The following TGS1 variants were observed in gnomAD, a reference collection of about 807,000 sequenced individuals.
TGS1 encodes the protein trimethylguanosine synthase.
A neutral mutation model predicts 92.2 loss-of-function variants in TGS1; 69 were observed. The observed-to-expected ratio is 0.75, with a 90% CI of 0.62 to 0.91. The LOEUF is 0.91. TGS1 is among the 40% of genes least tolerant of loss of function. TGS1 has a pLI of 0.00. For synonymous variants in TGS1, 345 were observed against 338.1 expected, an observed-to-expected ratio of 1.02 and a Z score of -0.22; for missense variants, 1,062 against 1,001.2, an observed-to-expected ratio of 1.06 and a Z score of -0.82.
At chr8:55,791,139 G>A (rs111336339) in intron 5 of TGS1, among the ~76,000 whole-genome samples, 192 of 152,278 alleles carry the variant, frequency 1.3e-3, no homozygotes, top group African/African-American at 4.5e-3. Context: ...CACAGCAATG[G>A]CAGCTCTAAA....
intron 10 of TGS1, among the ~76,000 whole-genome samples, chr8:55,807,246 G>A (rs1803195495): frequency 6.6e-6 from 1 of 151,862 alleles, no homozygotes; most frequent in South Asian, 2.1e-4. Flanking sequence ...TTAATTTAAA[G>A]GAGACCTTGA....
At position 55,804,882 on chromosome 8, in the gene TGS1, T is replaced by C; in HGVS notation, c.2000-11T>C. On this transcript the variant is annotated splice_polypyrimidine_tract_variant and intron_variant, in intron 9 of 12. Transcript: ENST00000260129. The stretch of plus-strand genomic sequence containing the variant: ...ATTGAACATGCTAACACAAATACTC[T>C]TCCTTTGCAGAGGGCTGGTTTTCAG... 6.2e-7 allele frequency: 1 copy of C among 1,612,788 alleles called. No individual in the cohort carries two copies. The highest frequency in any genetic ancestry group is 1.1e-5 in the South Asian group (1 of 90,940).
At chr8:55,823,277 G>A (rs1803700397) in intron 12 of TGS1, among the ~76,000 whole-genome samples, 1 of 152,196 alleles carries the variant, frequency 6.6e-6, no homozygotes, top group African/African-American at 2.4e-5. Context: ...AGTTTACAAT[G>A]TACCAAGGTG....
intron 7 of TGS1, among the ~76,000 whole-genome samples, chr8:55,796,704 A>G (rs1332609305): frequency 6.9e-6 from 1 of 144,266 alleles, no homozygotes; most frequent in Non-Finnish European, 1.5e-5. Context: ...AAAACACGCA[A>G]CCTTGGCCGG....
chr8:55,776,491 AG>A (rs1811403624), intron 1 of TGS1, among the ~76,000 whole-genome samples: 1 of 152,126 alleles, frequency 6.6e-6, no homozygotes, highest in Non-Finnish European at 1.5e-5. Context: ...TGTGTTAGCC[AG>A]GATGGTCTCT....
chr8:55,778,939 G>T (rs1563448799), intron 1 of TGS1, among the ~76,000 whole-genome samples: 1 of 152,220 alleles, frequency 6.6e-6, no homozygotes, highest in Non-Finnish European at 1.5e-5. Context: ...GAGGTATGAG[G>T]ATAAGAATTC....
intron 5 of TGS1, among the ~76,000 whole-genome samples, chr8:55,791,862 T>C (rs1563456378): frequency 6.6e-6 from 1 of 152,224 alleles, no homozygotes; most frequent in Non-Finnish European, 1.5e-5. Flanking sequence ...AGGTGGGATG[T>C]AGTCAGATGC....
At chr8:55,820,314 A>G (rs1012272856) in intron 12 of TGS1, among the ~76,000 whole-genome samples, 3 of 152,260 alleles carry the variant, frequency 2.0e-5, no homozygotes. Context: ...TGAGAGGCCG[A>G]GGCGGGCGGA....
At chr8:55,773,842 GAT>G in intron 1 of TGS1, 123 bp downstream of exon 1, 2 of 747,116 alleles carry the variant, frequency 2.7e-6, no homozygotes, top group Non-Finnish European at 2.1e-6. Context: ...TGGGCACGGT[GAT>G]GTTTAAGAAA....
chr8:55,817,504 T>C (rs1234636450), intron 12 of TGS1, among the ~76,000 whole-genome samples: 3 of 152,216 alleles, frequency 2.0e-5, no homozygotes, highest in African/African-American at 4.8e-5. Flanking sequence ...TGGTTTTGGC[T>C]AAATACAATA....
chr8:55,787,790 G>A (rs775177026), intron 4 of TGS1, among the ~76,000 whole-genome samples: 8 of 152,218 alleles, frequency 5.3e-5, no homozygotes, highest in Non-Finnish European at 1.0e-4. Context: ...AGGCTGTACA[G>A]GAAGCATAGT....
chr8:55,773,595 C>A lies in TGS1; in HGVS notation c.-24C>A. The A allele has an allele frequency of 6.3e-7, 1 of 1,596,776 alleles. No homozygotes were observed. Among genetic ancestry groups the A allele is most frequent in the Non-Finnish European group, 8.5e-7 (1 of 1,170,752 alleles). On this transcript the variant is annotated 5_prime_UTR_variant, in exon 1 of 13. Coordinates refer to ENST00000260129, the MANE Select transcript of TGS1 (RefSeq NM_024831.8). ...CAGGCGCGACCCGGGCTGCGTACGT[C>A]AGAGCTGCCTCCGAAGTGGTAAAAT...
At chr8:55,820,443 C>T (rs985094597) in intron 12 of TGS1, among the ~76,000 whole-genome samples, 1 of 152,084 alleles carries the variant, frequency 6.6e-6, no homozygotes, top group African/African-American at 2.4e-5. Flanking sequence ...CAGGCTGAGG[C>T]AGGAGAATCG....
chr8:55,802,741 A>G (rs1812254011), intron 9 of TGS1, 135 bp downstream of exon 9: 1 of 795,606 alleles, frequency 1.3e-6, no homozygotes, highest in Non-Finnish European at 1.9e-6. Context: ...TGCCCCGTTT[A>G]CGTTCTCATT....
intron 6 of TGS1, among the ~76,000 whole-genome samples, chr8:55,793,375 C>G (rs1440600490): frequency 6.6e-6 from 1 of 152,094 alleles, no homozygotes; most frequent in Non-Finnish European, 1.5e-5. Context: ...GCTTGTGTTT[C>G]CAGCTCCTCA....
In TGS1 at chr8:55,823,292, C is replaced by T. The variant is rs142047749; in HGVS notation, c.2440-1289C>T. Among the ~76,000 whole-genome samples the T allele has an allele frequency of 3.1e-3, 474 of 152,286 alleles. 4 individuals are homozygous for T. The highest frequency in any genetic ancestry group is 4.8e-3 in the Non-Finnish European group (327 of 68,034). On this transcript the variant is annotated intron_variant, in intron 12 of 12. Coordinates refer to ENST00000260129, the MANE Select transcript of TGS1 (RefSeq NM_024831.8). ...AGTTTACAATGTACCAAGGTGAGTGCAAGCATTACTGTCTTGGAACAAAAG... is the reference window on the plus strand; with the variant it reads ...AGTTTACAATGTACCAAGGTGAGTGTAAGCATTACTGTCTTGGAACAAAAG...
chr8:55,789,477 G>A (rs1184087874), intron 4 of TGS1, among the ~76,000 whole-genome samples: 1 of 152,066 alleles, frequency 6.6e-6, no homozygotes. Context: ...CTATCACAAA[G>A]GCAGCTTTGT....
rs374677531 is a variant in TGS1 at position 55,804,876 on chromosome 8, A to G, written c.2000-17A>G. The G allele has an allele frequency of 3.1e-4, 497 of 1,611,798 alleles. 7 individuals carry two copies. The South Asian group carries it at 5.2e-3, about 17-fold the overall frequency. ...CTTGAAATTGAACATGCTAACACAA[A>G]TACTCTTCCTTTGCAGAGGGCTGGT... is the stretch of plus-strand genomic sequence containing the variant. On this transcript the variant is annotated splice_polypyrimidine_tract_variant and intron_variant, in intron 9 of 12. Transcript: ENST00000260129.
intron 4 of TGS1, among the ~76,000 whole-genome samples, chr8:55,789,481 G>A (rs1811814476): frequency 6.6e-6 from 1 of 152,104 alleles, no homozygotes; most frequent in Admixed American, 6.5e-5. Context: ...CACAAAGGCA[G>A]CTTTGTGGGT....
Sources: allele counts gnomAD v4.1 joint callset (sites outside exome capture counted in the v4.1 genomes callset), GRCh38; gene constraint gnomAD v4.1.1; transcripts MANE v1.5; gene names NCBI Gene and HGNC (gene_info 2026-07-23, HGNC 2026-07-21).